DNER: variants seen among roughly 807,000 people sequenced by gnomAD.
The protein encoded by DNER is delta and Notch-like epidermal growth factor-related receptor.
In DNER, 33 loss-of-function variants were observed where a neutral mutation model predicts 78.2. The observed-to-expected ratio is 0.42, with a 90% CI of 0.32 to 0.56. The LOEUF (loss-of-function observed/expected upper bound fraction) is 0.56. DNER is among the 20% of genes least tolerant of loss of function. The pLI, the probability that DNER is intolerant of heterozygous loss-of-function variation, is 0.11. For synonymous variants in DNER, 417 were observed against 384.8 expected, an observed-to-expected ratio of 1.08 and a Z score of -0.98; for missense variants, 918 against 975.3, an observed-to-expected ratio of 0.94 and a Z score of 0.78.
chr2:229,382,431 G>A (rs1383046431), intron 11 of DNER, among the ~76,000 whole-genome samples: 4 of 152,138 alleles, frequency 2.6e-5, no homozygotes, highest in African/African-American at 9.7e-5. Flanking sequence ...CGAATTGACA[G>A]AAGTAGGTTC....
At chr2:229,700,303 T>TGTGTGTGTGA (rs1559213963) in intron 1 of DNER, among the ~76,000 whole-genome samples, 15 of 149,724 alleles carry the variant, frequency 1.0e-4, no homozygotes, top group South Asian at 2.1e-4. Flanking sequence ...TGTGTGTGTG[T>TGTGTGTGTGA]GTGTGTGTGT....
At chr2:229,649,449 C>G (rs1698773720) in intron 1 of DNER, among the ~76,000 whole-genome samples, 1 of 152,162 alleles carries the variant, frequency 6.6e-6, no homozygotes, top group African/African-American at 2.4e-5. Context: ...TAACAACCAA[C>G]TCTAGGGGGA....
In DNER at chr2:229,591,448, T is replaced by G; in HGVS notation, c.585+132A>C. 9.1e-7 allele frequency: 1 copy of G among 1,104,966 alleles called. No homozygotes were observed. The highest frequency in any genetic ancestry group is 1.3e-6 in the Non-Finnish European group (1 of 791,146). 68.4% of individuals were successfully genotyped at this position (1,104,966 alleles called of 1,614,324 possible). On this transcript the variant is annotated intron_variant, in intron 2 of 12. Transcript: ENST00000341772. The surrounding 1 kb of genome is among the most constrained non-coding windows in gnomAD (Gnocchi z 4.6). ...ACACACAAATGCAGACAGGAATAAGTTTAGGGAGATATTTTGCTTCGTGAT... is the reference window on the plus strand; with the variant it reads ...ACACACAAATGCAGACAGGAATAAGGTTAGGGAGATATTTTGCTTCGTGAT...
intron 8 of DNER, among the ~76,000 whole-genome samples, chr2:229,424,103 T>C (rs1196870362): frequency 6.6e-6 from 1 of 152,182 alleles, no homozygotes; most frequent in Admixed American, 6.5e-5. Flanking sequence ...TTTTAAAATG[T>C]TTCCATGGTG....
At chr2:229,370,996 C>T (rs990283948) in intron 11 of DNER, among the ~76,000 whole-genome samples, 2 of 152,176 alleles carry the variant, frequency 1.3e-5, no homozygotes, top group Non-Finnish European at 2.9e-5. Flanking sequence ...GCATTTATGA[C>T]CATCTGCTCC....
chr2:229,611,289 C>A (rs1293403345), intron 1 of DNER, among the ~76,000 whole-genome samples: 1 of 152,052 alleles, frequency 6.6e-6, no homozygotes, highest in South Asian at 2.1e-4. Flanking sequence ...TAAAAAGAAC[C>A]ATTAGCAATG....
Position 229,407,485 on chromosome 2 carries a change from G to A in DNER, c.1610-140C>T, listed in dbSNP as rs1693414285. 5 of 575,516 alleles carry A rather than the reference G, an allele frequency of 8.7e-6. No homozygotes were observed. In the South Asian group the frequency reaches 9.9e-5, roughly 11 times the overall value. 35.7% of individuals were successfully genotyped at this position (575,516 alleles called of 1,614,324 possible). A position where few individuals can be genotyped will look rare whatever the true frequency, so the allele number is the denominator to read the frequency against. On this transcript the variant is annotated intron_variant, in intron 9 of 12. Coordinates refer to ENST00000341772, the MANE Select transcript of DNER (RefSeq NM_139072.4). ...TGTGTGTGGGTGAGTGTATACACAC[G>A]TGCCCACTCATGATTTTAGATTGTT...
chr2:229,442,813 A>G (rs1481920201), intron 8 of DNER, among the ~76,000 whole-genome samples: 2 of 152,200 alleles, frequency 1.3e-5, no homozygotes, highest in Non-Finnish European at 2.9e-5. Flanking sequence ...CTTTCGGGAC[A>G]TACAGACCAG....
At chr2:229,432,180 A>G (rs932480595) in intron 8 of DNER, among the ~76,000 whole-genome samples, 5 of 152,266 alleles carry the variant, frequency 3.3e-5, no homozygotes, top group Admixed American at 1.3e-4. Context: ...GCATTTTAAT[A>G]AAATAATCCC....
At chr2:229,399,927 A>G (rs1693231680) in intron 10 of DNER, among the ~76,000 whole-genome samples, 1 of 152,046 alleles carries the variant, frequency 6.6e-6, no homozygotes, top group Non-Finnish European at 1.5e-5. Context: ...ACAACCTCAC[A>G]AAGGGGTCTG....
chr2:229,425,336 G>A (rs1693849790), intron 8 of DNER, among the ~76,000 whole-genome samples: 1 of 152,106 alleles, frequency 6.6e-6, no homozygotes, highest in South Asian at 2.1e-4. Flanking sequence ...TGCCCCCTAT[G>A]AAGCCTCCAG....
intron 1 of DNER, among the ~76,000 whole-genome samples, chr2:229,655,916 A>T (rs148804873): frequency 6.6e-6 from 1 of 152,080 alleles, no homozygotes; most frequent in Non-Finnish European, 1.5e-5. Flanking sequence ...GAAGGCAGGC[A>T]TTCACGTTAA....
intron 5 of DNER, among the ~76,000 whole-genome samples, chr2:229,546,109 T>G (rs1221939385): frequency 6.6e-6 from 1 of 152,360 alleles, no homozygotes; most frequent in East Asian, 1.9e-4. Context: ...GAAAATCATA[T>G]GGAGATTTAA....
chr2:229,395,287 T>A (rs1693110822), intron 10 of DNER, among the ~76,000 whole-genome samples: 1 of 152,174 alleles, frequency 6.6e-6, no homozygotes, highest in Admixed American at 6.5e-5. Context: ...TCTTTGGGAA[T>A]TTACATAAGA....
intron 8 of DNER, among the ~76,000 whole-genome samples, chr2:229,444,819 G>A (rs1694307789): frequency 6.6e-6 from 1 of 152,056 alleles, no homozygotes; most frequent in African/African-American, 2.4e-5. Context: ...AACCCGGGAG[G>A]CAGAGGTTGA....
Position 229,435,115 on chromosome 2 carries a change from G to A in DNER, c.1486+12201C>T, listed in dbSNP as rs577395064. 8.3e-4 allele frequency among the ~76,000 whole-genome samples: 126 copies of A among 152,172 alleles called. 1 individual carries two copies. The highest frequency in any genetic ancestry group is 5.8e-4 in the East Asian group (3 of 5,170). Reference sequence around the variant, plus strand: ...GACTTGCTCATGCCACTGGGACATTGGCAAACAACAGAAGAAGCAGCTTTA... The same window carrying A: ...GACTTGCTCATGCCACTGGGACATTAGCAAACAACAGAAGAAGCAGCTTTA... On this transcript the variant is annotated intron_variant, in intron 8 of 12. Coordinates refer to ENST00000341772, the MANE Select transcript of DNER (RefSeq NM_139072.4).
At chr2:229,674,919 G>A (rs1401790814) in intron 1 of DNER, among the ~76,000 whole-genome samples, 1 of 152,166 alleles carries the variant, frequency 6.6e-6, no homozygotes, top group East Asian at 1.9e-4. Context: ...GCTTACCAGG[G>A]AGCTGGAAGA....
intron 6 of DNER, among the ~76,000 whole-genome samples, chr2:229,511,720 C>G (rs1200284224): frequency 6.6e-6 from 1 of 152,226 alleles, no homozygotes; most frequent in Non-Finnish European, 1.5e-5. Flanking sequence ...AGCCCACACT[C>G]AGTACATACT....
intron 7 of DNER, among the ~76,000 whole-genome samples, chr2:229,465,288 A>G (rs1694781013): frequency 6.6e-6 from 1 of 152,204 alleles, no homozygotes; most frequent in African/African-American, 2.4e-5. Flanking sequence ...CAGGGACATG[A>G]ATGGAGCTTG....
Sources: allele counts gnomAD v4.1 joint callset (sites outside exome capture counted in the v4.1 genomes callset), GRCh38; gene constraint gnomAD v4.1.1; non-coding constraint Gnocchi (gnomAD v3.1); transcripts MANE v1.5; gene names NCBI Gene and HGNC (gene_info 2026-07-23, HGNC 2026-07-21).